Variants in PRR16 observed in about 807,000 individuals in gnomAD.
The protein encoded by PRR16 is proline rich 16.
In PRR16, 6 loss-of-function variants were observed where a neutral mutation model predicts 18.2. The ratio of observed to expected loss-of-function variants is 0.33; its 90% CI spans 0.18 to 0.65. PRR16 has a LOEUF of 0.65. PRR16 is among the 30% of genes least tolerant of loss of function. The probability of loss-of-function intolerance (pLI) is 0.74; values close to 1 mark genes in which losing one functional copy is unlikely to be tolerated. For missense variants in PRR16, 412 were observed against 376.6 expected (o/e 1.09, Z -0.78); for synonymous variants, 151 against 147.8 (o/e 1.02, Z -0.16).
the PRR16 span, among the ~76,000 whole-genome samples, chr5:120,743,779 A>C: frequency 0.11 from 17,250 of 152,010 alleles, 1,304 homozygotes; most frequent in Middle Eastern, 0.24. Flanking sequence ...CCTTGGTTTG[A>C]TAAACTTTGC....
chr5:120,675,676 C>A (rs976624018), intron 1 of PRR16, among the ~76,000 whole-genome samples: 2 of 152,144 alleles, frequency 1.3e-5, no homozygotes, highest in Non-Finnish European at 2.9e-5. Flanking sequence ...ACATGAAGTA[C>A]ATATGGTCAG....
At chr5:120,770,709 A>C in the PRR16 span, among the ~76,000 whole-genome samples, 2 of 151,956 alleles carry the variant, frequency 1.3e-5, no homozygotes, top group Admixed American at 6.6e-5. Flanking sequence ...TATAGGGAGC[A>C]CCTACAACTC....
chr5:120,725,016 A>C, the PRR16 span, among the ~76,000 whole-genome samples: 1 of 152,104 alleles, frequency 6.6e-6, no homozygotes. Context: ...TTTATCTTGA[A>C]AAAGATTATT....
At chr5:120,562,220 T>C (rs1752597526) in intron 1 of PRR16, among the ~76,000 whole-genome samples, 1 of 152,154 alleles carries the variant, frequency 6.6e-6, no homozygotes, top group East Asian at 1.9e-4. Context: ...AATCCCTTTA[T>C]CATTATATAA....
intron 1 of PRR16, among the ~76,000 whole-genome samples, chr5:120,612,013 T>C (rs1226443318): frequency 6.6e-6 from 1 of 152,192 alleles, no homozygotes; most frequent in African/African-American, 2.4e-5. Context: ...TGCATCAGCG[T>C]GACCTTGATG....
chr5:120,564,516 C>A (rs886750150), intron 1 of PRR16, among the ~76,000 whole-genome samples: 2 of 152,108 alleles, frequency 1.3e-5, no homozygotes, highest in South Asian at 2.1e-4. Context: ...GCAAGCATGT[C>A]TTTGCTCTCC....
chr5:120,534,548 G>A (rs1433771122), intron 1 of PRR16, among the ~76,000 whole-genome samples: 3 of 151,868 alleles, frequency 2.0e-5, no homozygotes, highest in Non-Finnish European at 4.4e-5. Flanking sequence ...TATCTTTTTT[G>A]TATATATCAT....
the PRR16 span, among the ~76,000 whole-genome samples, chr5:120,706,249 T>C: frequency 1.3e-5 from 2 of 152,186 alleles, no homozygotes; most frequent in Non-Finnish European, 2.9e-5. Flanking sequence ...CCTTTGATAG[T>C]TGCTAAGCAA....
the PRR16 span, among the ~76,000 whole-genome samples, chr5:120,754,215 T>TTATA: frequency 1.8e-5 from 1 of 56,628 alleles, no homozygotes; most frequent in African/African-American, 6.5e-5. Context: ...AAATTATATA[T>TTATA]TATAATATAT....
At chr5:120,673,298 G>C (rs1265888309) in intron 1 of PRR16, among the ~76,000 whole-genome samples, 1 of 152,192 alleles carries the variant, frequency 6.6e-6, no homozygotes, top group East Asian at 1.9e-4. Context: ...TTAGAAGTTA[G>C]AAGTGGTGCA....
At chr5:120,628,807 T>C (rs1176305332) in intron 1 of PRR16, among the ~76,000 whole-genome samples, 2 of 151,960 alleles carry the variant, frequency 1.3e-5, no homozygotes, top group Non-Finnish European at 2.9e-5. Flanking sequence ...CCTATGAGTT[T>C]AGTTGTTGAA....
the PRR16 span, among the ~76,000 whole-genome samples, chr5:120,706,077 C>A: frequency 2.6e-5 from 4 of 152,088 alleles, no homozygotes; most frequent in African/African-American, 9.7e-5. Context: ...TTCCAATGGC[C>A]TTACAAATGA....
chr5:120,792,982 G>A, the PRR16 span, among the ~76,000 whole-genome samples: 1 of 151,400 alleles, frequency 6.6e-6, no homozygotes, highest in East Asian at 1.9e-4. Context: ...GTGAAATCCT[G>A]TCTCTACAAA....
chr5:120,555,546 A>G (rs1441784937), intron 1 of PRR16, among the ~76,000 whole-genome samples: 1 of 151,576 alleles, frequency 6.6e-6, no homozygotes, highest in Non-Finnish European at 1.5e-5. Context: ...AGAGAGAGAG[A>G]GAGAGATCTG....
intron 1 of PRR16, among the ~76,000 whole-genome samples, chr5:120,631,085 T>G (rs1755036514): frequency 6.6e-6 from 1 of 152,166 alleles, no homozygotes. Flanking sequence ...AAATTGATAG[T>G]GAAGATTTAT....
At chr5:120,733,594 A>G in the PRR16 span, among the ~76,000 whole-genome samples, 2 of 152,118 alleles carry the variant, frequency 1.3e-5, no homozygotes, top group Non-Finnish European at 2.9e-5. Context: ...GTAGCTCAAG[A>G]AGTTGTATAA....
chr5:120,791,584 CATCTATCTATCT>C, the PRR16 span, among the ~76,000 whole-genome samples: 21 of 127,478 alleles, frequency 1.6e-4, no homozygotes, highest in African/African-American at 4.6e-4. Flanking sequence ...GAACTTCTAT[CATCTATCTATCT>C]ATCTATCTAT....
chr5:120,668,132 G>A (rs1293073682), intron 1 of PRR16, among the ~76,000 whole-genome samples: 1 of 151,840 alleles, frequency 6.6e-6, no homozygotes, highest in African/African-American at 2.4e-5. Context: ...ATGAATCTGG[G>A]TGCTCCTGTA....
the PRR16 span, among the ~76,000 whole-genome samples, chr5:120,757,311 G>C: frequency 6.6e-6 from 1 of 151,882 alleles, no homozygotes; most frequent in Non-Finnish European, 1.5e-5. Flanking sequence ...TTCTTTTTTG[G>C]TTCCATATGA....
Sources: gnomAD v4.1 joint callset for allele counts (sites outside exome capture counted in the v4.1 genomes callset) on GRCh38, gnomAD v4.1.1 for gene constraint, MANE v1.5 for transcripts, NCBI Gene and HGNC (gene_info 2026-07-23, HGNC 2026-07-21) for gene names.